Variants in WDPCP observed in about 807,000 individuals in gnomAD.
WDPCP encodes the protein WD repeat-containing and planar cell polarity effector protein fritz homolog.
In WDPCP, 71 loss-of-function variants were observed where a neutral mutation model predicts 93.1. The observed-to-expected ratio is 0.76, with a 90% CI of 0.63 to 0.93. The LOEUF is 0.93. Among genes scored for constraint, WDPCP ranks in the 40% least tolerant of loss-of-function variants. The pLI, the probability that WDPCP is intolerant of heterozygous loss-of-function variation, is 0.00. For synonymous variants in WDPCP, 315 were observed against 315.0 expected, an observed-to-expected ratio of 1.00 and a Z score of 0.00; for missense variants, 844 against 887.4, an observed-to-expected ratio of 0.95 and a Z score of 0.62.
At chr2:63,534,620 T>C (rs1014535172) in intron 1 of WDPCP, among the ~76,000 whole-genome samples, 2 of 152,166 alleles carry the variant, frequency 1.3e-5, no homozygotes, top group African/African-American at 4.8e-5. Context: ...CACATGATTA[T>C]CTCAATAGAT....
chr2:63,146,932 A>G (rs964102288), intron 17 of WDPCP, among the ~76,000 whole-genome samples: 8 of 152,344 alleles, frequency 5.3e-5, no homozygotes, highest in African/African-American at 1.9e-4. Flanking sequence ...ACTTTACTGT[A>G]TATTTAAAAC....
intron 12 of WDPCP, among the ~76,000 whole-genome samples, chr2:63,338,947 G>C (rs1047859097): frequency 6.6e-6 from 1 of 151,874 alleles, no homozygotes; most frequent in African/African-American, 2.4e-5. Context: ...GGATAACATT[G>C]AATCTGTAAA....
intron 1 of WDPCP, among the ~76,000 whole-genome samples, chr2:63,566,307 T>G (rs1445463927): frequency 6.6e-6 from 1 of 152,212 alleles, no homozygotes; most frequent in East Asian, 1.9e-4. Flanking sequence ...GAAAAGCTAA[T>G]TAGAAACTCA....
At chr2:63,469,569 C>A (rs924787330) in intron 6 of WDPCP, among the ~76,000 whole-genome samples, 1 of 152,144 alleles carries the variant, frequency 6.6e-6, no homozygotes, top group Non-Finnish European at 1.5e-5. Flanking sequence ...GCGCTGGAGG[C>A]CATTATCCTT....
At chr2:63,550,793 A>ATATGTACATATATATG (rs1440852489) in intron 1 of WDPCP, among the ~76,000 whole-genome samples, 1,617 of 10,360 alleles carry the variant, frequency 0.16, 19 homozygotes, top group East Asian at 0.3. Flanking sequence ...ATATATATGT[A>ATATGTACATATATATG]TATATATATA....
intron 13 of WDPCP, among the ~76,000 whole-genome samples, chr2:63,281,465 A>T (rs192542335): frequency 3.9e-5 from 6 of 152,338 alleles, no homozygotes; most frequent in Admixed American, 2.6e-4. Flanking sequence ...TTGATCCAGA[A>T]ATCCCACTAC....
chr2:63,477,060 T>C (rs1426555249), intron 6 of WDPCP, among the ~76,000 whole-genome samples: 5 of 152,174 alleles, frequency 3.3e-5, no homozygotes, highest in African/African-American at 1.2e-4. Context: ...CATGCACAAT[T>C]CAAATAATTT....
chr2:63,256,480 C>A (rs957075227), intron 14 of WDPCP, among the ~76,000 whole-genome samples: 4 of 152,132 alleles, frequency 2.6e-5, no homozygotes, highest in Admixed American at 2.6e-4. Flanking sequence ...AAAACTGGAA[C>A]TCTTACATAC....
chr2:63,367,523 G>A (rs1177419972), intron 12 of WDPCP, among the ~76,000 whole-genome samples: 19 of 152,050 alleles, frequency 1.2e-4, no homozygotes. Context: ...AACGTTTATT[G>A]CAGCACTGTT....
intron 13 of WDPCP, among the ~76,000 whole-genome samples, chr2:63,297,353 T>C (rs1424302437): frequency 6.6e-6 from 1 of 152,180 alleles, no homozygotes; most frequent in Non-Finnish European, 1.5e-5. Flanking sequence ...TTGGATTCCT[T>C]AGCTTAGGAC....
intron 1 of WDPCP, among the ~76,000 whole-genome samples, chr2:63,545,255 G>A (rs1003980701): frequency 6.6e-6 from 1 of 151,768 alleles, no homozygotes; most frequent in Non-Finnish European, 1.5e-5. Flanking sequence ...TTGGCTTAGA[G>A]TAGTAGTCCT....
chr2:63,647,031 A>G (rs1422701677), intron 3 of WDPCP, among the ~76,000 whole-genome samples: 3 of 152,128 alleles, frequency 2.0e-5, no homozygotes, highest in African/African-American at 4.8e-5. Context: ...CTTTAAGGCC[A>G]TTAATTCTTA....
intron 13 of WDPCP, among the ~76,000 whole-genome samples, chr2:63,269,733 A>T (rs1682466091): frequency 6.6e-6 from 1 of 152,212 alleles, no homozygotes; most frequent in South Asian, 2.1e-4. Context: ...GCAACAGCTT[A>T]TACATATTTA....
chr2:63,668,622 C>T (rs1710311345), intron 2 of WDPCP, among the ~76,000 whole-genome samples: 1 of 152,190 alleles, frequency 6.6e-6, no homozygotes. Context: ...TGCTTCCCTC[C>T]CCTGCTGGCA....
In WDPCP at chr2:63,120,758, T is replaced by A. The variant is rs1178337393; in HGVS notation, c.*1248A>T. On this transcript the variant is annotated 3_prime_UTR_variant, in exon 18 of 18. Transcript: ENST00000272321. ...ACCATGTTGTCTAGGATGGTCTCCA[T>A]CTCCTGACCTCGTGATTCGCCCGCC... Among the ~76,000 whole-genome samples the A allele has an allele frequency of 6.6e-6, 1 of 151,682 alleles. No homozygotes were observed. Among genetic ancestry groups the A allele is most frequent in the Non-Finnish European group, 1.5e-5 (1 of 67,898 alleles).
At chr2:63,823,743 T>C (rs1032557580) in intron 1 of WDPCP, among the ~76,000 whole-genome samples, 1 of 152,168 alleles carries the variant, frequency 6.6e-6, no homozygotes, top group African/African-American at 2.4e-5. Flanking sequence ...TAACCAAATT[T>C]TGTTATACTC....
chr2:63,182,245 C>G (rs1401918974), intron 14 of WDPCP, among the ~76,000 whole-genome samples: 2 of 152,066 alleles, frequency 1.3e-5, no homozygotes, highest in Non-Finnish European at 2.9e-5. Context: ...AGACTGCTTT[C>G]AAATTTTCCC....
intron 3 of WDPCP, among the ~76,000 whole-genome samples, chr2:63,644,521 C>T (rs904631117): frequency 5.9e-5 from 9 of 152,120 alleles, no homozygotes; most frequent in African/African-American, 1.7e-4. Flanking sequence ...GGATTACAGG[C>T]GTGAGCCACC....
chr2:63,414,486 C>CACACATATATAT (rs1695261806), intron 9 of WDPCP, among the ~76,000 whole-genome samples: 2 of 151,810 alleles, frequency 1.3e-5, no homozygotes, highest in Non-Finnish European at 2.9e-5. Context: ...CACACACACA[C>CACACATATATAT]ACACACACAC....
Sources: allele counts gnomAD v4.1 joint callset (sites outside exome capture counted in the v4.1 genomes callset), GRCh38; gene constraint gnomAD v4.1.1; transcripts MANE v1.5; gene names NCBI Gene and HGNC (gene_info 2026-07-23, HGNC 2026-07-21).